Variants in MKKS observed in about 807,000 individuals in gnomAD.
The protein encoded by MKKS is molecular chaperone MKKS.
A neutral mutation model predicts 33.2 loss-of-function variants in MKKS; 29 were observed. That is an observed-to-expected ratio of 0.87 (90% CI 0.65 to 1.19). The LOEUF (loss-of-function observed/expected upper bound fraction) is 1.19, where lower values mean the gene tolerates loss of function less well. Ranked by LOEUF, MKKS falls within the 50% of genes most tolerant of loss-of-function variation. The pLI, the probability that MKKS is intolerant of heterozygous loss-of-function variation, is 0.00. For synonymous variants in MKKS, 260 were observed against 244.0 expected, an observed-to-expected ratio of 1.07 and a Z score of -0.61; for missense variants, 661 against 662.3, an observed-to-expected ratio of 1.00 and a Z score of 0.02.
At chr20:10,416,721 G>T (rs1346790582) in intron 2 of MKKS, among the ~76,000 whole-genome samples, 1 of 152,202 alleles carries the variant, frequency 6.6e-6, no homozygotes, top group Non-Finnish European at 1.5e-5. Context: ...AGGAATGATA[G>T]AATTTGAGCA....
intron 2 of MKKS, among the ~76,000 whole-genome samples, chr20:10,416,880 G>A (rs1383411932): frequency 1.3e-5 from 2 of 152,172 alleles, no homozygotes; most frequent in African/African-American, 4.8e-5. Flanking sequence ...TTTGTGTACT[G>A]TGTATGAGTG....
At chr20:10,421,565 G>A (rs1245087154) in intron 1 of MKKS, among the ~76,000 whole-genome samples, 2 of 152,092 alleles carry the variant, frequency 1.3e-5, no homozygotes, top group African/African-American at 2.4e-5. Context: ...GCTGAACATG[G>A]ATTCCAATTG....
rs1394147254 is a variant in MKKS at position 10,402,170 on chromosome 20, C to T, written c.*3077G>A. ...TTCACACTCTCCCTTTCCTTTTCCA[C>T]AGCGATCACGGTTTCCCATTCTCTC... On this transcript the variant is annotated 3_prime_UTR_variant, in exon 6 of 6. Transcript: ENST00000347364. 6.6e-6 allele frequency: 1 copy of T among 152,228 alleles called. No homozygotes were observed. Among genetic ancestry groups the T allele is most frequent in the African/African-American group, 2.4e-5 (1 of 41,446 alleles). 9.4% of individuals were successfully genotyped at this position (152,228 alleles called of 1,614,324 possible).
Position 10,405,067 on chromosome 20 carries a change from C to A in MKKS, c.*180G>T, listed in dbSNP as rs775782414. 1.9e-6 allele frequency: 1 copy of A among 520,302 alleles called. No individual in the cohort carries two copies. Among genetic ancestry groups the A allele is most frequent in the Non-Finnish European group, 3.4e-6 (1 of 297,886 alleles). The allele number at this position is 520,302 out of a possible 1,614,324, so 32.2% of individuals were successfully genotyped here. A position where few individuals can be genotyped will look rare whatever the true frequency, so the allele number is the denominator to read the frequency against. On this transcript the variant is annotated 3_prime_UTR_variant, in exon 6 of 6. Coordinates refer to ENST00000347364, the MANE Select transcript of MKKS (RefSeq NM_170784.3). The stretch of plus-strand genomic sequence containing the variant: ...ATAATGCTTCATATTTTTATTGTTT[C>A]ATGGCATTTCCATTCACGAATCACC...
rs142327258 is a variant in MKKS at position 10,405,486 on chromosome 20, C to G, written c.1474G>C (p.Asp492His). The stretch of plus-strand genomic sequence containing the variant: ...CCACAGCCACACTGTGAAAGCAAAT[C>G]TGGCCAGTTAGCAACACAGGGAGAA... ...ADSPCVANWP[D>H]LLSQCGCGLY... The change falls in exon 6 of 6, where the codon GAT becomes CAT. Residue 492 changes from aspartate (D) to histidine (H), a missense_variant. Transcript: ENST00000347364. The G allele has an allele frequency of 2.0e-5, 32 of 1,614,096 alleles. No individual in the cohort carries two copies. The highest frequency in any genetic ancestry group is 2.4e-5 in the Non-Finnish European group (28 of 1,180,046).
At chr20:10,419,069 T>C (rs1450342733) in intron 2 of MKKS, among the ~76,000 whole-genome samples, 25 of 152,120 alleles carry the variant, frequency 1.6e-4, no homozygotes, top group Non-Finnish European at 1.9e-4. Context: ...TGATTTAAAA[T>C]ATTGTTGAAA....
chr20:10,433,318 T>C (rs1255612841), intron 1 of MKKS, among the ~76,000 whole-genome samples: 1 of 152,216 alleles, frequency 6.6e-6, no homozygotes. Context: ...CAAAATATTT[T>C]CTATCCGCAG....
chr20:10,412,651 T>C lies in MKKS; in HGVS notation c.864A>G (p.Val288=), dbSNP rs202113646. The C allele has an allele frequency of 6.2e-7, 1 of 1,614,192 alleles. No homozygotes were observed. Among genetic ancestry groups the C allele is most frequent in the Admixed American group, 1.7e-5 (1 of 60,028 alleles). ...TAACTTTTTGGCACAGGACAAGATC[T>C]ACGTGGTCACTGATTAGCTGCCTTC... The part of the protein sequence containing the change: ...NLGRQLISDH[V]DLVLCQKVIH... The change falls in exon 3 of 6, where the codon GTA becomes GTG. Residue 288 remains valine (V), a synonymous_variant. Transcript: ENST00000347364.
rs771393172 is a variant in MKKS at position 10,413,543 on chromosome 20, C to A, written c.-29G>T. 2 of 1,613,048 alleles carry A rather than the reference C, an allele frequency of 1.2e-6. No homozygotes were observed. The highest frequency in any genetic ancestry group is 1.7e-6 in the Non-Finnish European group (2 of 1,179,390). ...ACTTCAGGTGGTAACTAGTGAAGAC[C>A]GTTTTTATTTTGTAAACCACATTTT... is the stretch of plus-strand genomic sequence containing the variant. On this transcript the variant is annotated 5_prime_UTR_variant, in exon 3 of 6. Coordinates refer to ENST00000347364, the MANE Select transcript of MKKS (RefSeq NM_170784.3).
In MKKS at chr20:10,404,076, G is replaced by A. The variant is rs757262573; in HGVS notation, c.*1171C>T. ...TTTCCTAAAGTTTAATACAACATTT[G>A]TTATAGCTCCATGCTTATTCATGTG... is the stretch of plus-strand genomic sequence containing the variant. On this transcript the variant is annotated 3_prime_UTR_variant, in exon 6 of 6. Coordinates refer to ENST00000347364, the MANE Select transcript of MKKS (RefSeq NM_170784.3). 1 of 152,100 alleles carries A rather than the reference G, an allele frequency of 6.6e-6. No homozygotes were observed. Among genetic ancestry groups the A allele is most frequent in the Non-Finnish European group, 1.5e-5 (1 of 68,012 alleles). The allele number at this position is 152,100 out of a possible 1,614,324, so 9.4% of individuals were successfully genotyped here.
chr20:10,430,770 A>G (rs2065049021), intron 1 of MKKS, among the ~76,000 whole-genome samples: 1 of 152,258 alleles, frequency 6.6e-6, no homozygotes, highest in African/African-American at 2.4e-5. Flanking sequence ...AAACTGATAC[A>G]GAGCAAAGAA....
At position 10,405,270 on chromosome 20, in the gene MKKS, A is replaced by T. The variant is rs2064833318; in HGVS notation, c.1690T>A (p.Tyr564Asn). ...ETANLILDLSYVIEDKN is the reference protein window; with the variant it reads ...ETANLILDLSNVIEDKN Reference sequence around the variant, plus strand: ...TCTTAGTTTTTATCTTCAATAACATATGAAAGATCCAAAATCAAATTGGCT... The same window carrying T: ...TCTTAGTTTTTATCTTCAATAACATTTGAAAGATCCAAAATCAAATTGGCT... The change falls in exon 6 of 6, where the codon TAT becomes AAT. Residue 564 changes from tyrosine to asparagine, a missense_variant. Tyr to Asn is a moderately radical substitution (Grantham distance 143). Coordinates refer to ENST00000347364, the MANE Select transcript of MKKS (RefSeq NM_170784.3). The T allele has an allele frequency of 6.2e-7, 1 of 1,612,824 alleles. No individual in the cohort carries two copies. The highest frequency in any genetic ancestry group is 1.3e-5 in the African/African-American group (1 of 74,886).
chr20:10,422,260 T>C (rs6133923), intron 1 of MKKS, among the ~76,000 whole-genome samples: 21,746 of 152,182 alleles, frequency 0.14, 1,738 homozygotes, highest in East Asian at 0.24. Flanking sequence ...AAACACGACC[T>C]GCTTTGTAAA....
chr20:10,408,596 T>C (rs2122225683), intron 4 of MKKS, 32 bp downstream of exon 4: 1 of 1,607,960 alleles, frequency 6.2e-7, no homozygotes, highest in Non-Finnish European at 8.5e-7. Flanking sequence ...TCCCTCAGCC[T>C]CTGCATATGG....
intron 2 of MKKS, among the ~76,000 whole-genome samples, chr20:10,416,703 A>G (rs2064941416): frequency 1.3e-5 from 2 of 152,216 alleles, no homozygotes; most frequent in South Asian, 4.1e-4. Context: ...CCAGCTAATA[A>G]ATGGAGAAGG....
intron 1 of MKKS, among the ~76,000 whole-genome samples, chr20:10,433,881 G>A (rs1215534336): frequency 1.3e-5 from 2 of 152,180 alleles, no homozygotes; most frequent in Non-Finnish European, 2.9e-5. Context: ...CCTCCTCGCC[G>A]CCCGCATCCG....
chr20:10,405,364 G>A lies in MKKS; in HGVS notation c.1596C>T (p.Gly532=). The A allele has an allele frequency of 6.2e-7, 1 of 1,614,170 alleles. No homozygotes were observed. Among genetic ancestry groups the A allele is most frequent in the Non-Finnish European group, 8.5e-7 (1 of 1,180,022 alleles). Residue 532 remains glycine (G), a synonymous_variant, in exon 6 of 6, where the codon GGC becomes GGT. Coordinates refer to ENST00000347364, the MANE Select transcript of MKKS (RefSeq NM_170784.3). ...AGTCCAAGGTCAGGTTGCTGGCTGA[G>A]CCCACAGCTTCATGTGGAAGGCAGC... ...PQSCLPHEAV[G]SASNLTLDCL...
Position 10,408,629 on chromosome 20 carries a change from T to C in MKKS, c.1160A>G (p.Lys387Arg), listed in dbSNP as rs773787392. The C allele has an allele frequency of 3.1e-6, 5 of 1,613,970 alleles. No individual in the cohort carries two copies. The highest frequency in any genetic ancestry group is 1.1e-5 in the South Asian group (1 of 91,076). ...NRNDTAWDEL[K>R]LTCQTALHVL... ...TGGAATTCAAAGTTCATTACCTACCTTCAGCTCATCCCAGGCAGTGTCATT... is the reference window on the plus strand; with the variant it reads ...TGGAATTCAAAGTTCATTACCTACCCTCAGCTCATCCCAGGCAGTGTCATT... The change falls in exon 4 of 6, where the codon AAG becomes AGG. Residue 387 changes from lysine to arginine, a missense_variant and splice_region_variant. Physicochemically the swap from Lys to Arg is conservative, Grantham distance 26. Transcript: ENST00000347364.
chr20:10,405,550 A>T lies in MKKS; in HGVS notation c.1410T>A (p.Thr470=). 2.5e-6 allele frequency: 4 copies of T among 1,614,200 alleles called. No individual in the cohort carries two copies. The highest frequency in any genetic ancestry group is 3.4e-6 in the Non-Finnish European group (4 of 1,180,038). Residue 470 remains threonine (T), a synonymous_variant, in exon 6 of 6, where the codon ACT becomes ACA. Coordinates refer to ENST00000347364, the MANE Select transcript of MKKS (RefSeq NM_170784.3). The part of the protein sequence containing the change: ...SLEHDGGEIL[T]DMKYGHLWSV... ...ACCAAAGGTGTCCATACTTCATGTC[A>T]GTGAGAATTTCACCTCCATCATGTT...
Sources: allele counts gnomAD v4.1 joint callset (sites outside exome capture counted in the v4.1 genomes callset), GRCh38; gene constraint gnomAD v4.1.1; transcripts MANE v1.5; gene names NCBI Gene and HGNC (gene_info 2026-07-23, HGNC 2026-07-21).